PHF14: variants seen among roughly 807,000 people sequenced by gnomAD.
The protein encoded by PHF14 is PHD finger protein 14.
A neutral mutation model predicts 117.9 loss-of-function variants in PHF14; 55 were observed. The observed-to-expected ratio is 0.47, with a 90% CI of 0.38 to 0.58. The LOEUF is 0.58. Ranked by LOEUF, PHF14 falls within the 20% of genes least tolerant of loss-of-function variation. The pLI is 0.00. For synonymous variants in PHF14, 409 were observed against 368.6 expected (o/e 1.11, Z -1.26); for missense variants, 978 against 1,122.2 (o/e 0.87, Z 1.84).
chr7:11,137,592 T>A (rs1003183408), intron 17 of PHF14, among the ~76,000 whole-genome samples: 4 of 39,732 alleles, frequency 1.0e-4, no homozygotes, highest in African/African-American at 3.5e-4. Flanking sequence ...TAAAAATTCT[T>A]TTTTTTTTTT....
chr7:11,158,788 G>C (rs955061490), intron 17 of PHF14, among the ~76,000 whole-genome samples: 4 of 152,054 alleles, frequency 2.6e-5, no homozygotes, highest in African/African-American at 9.7e-5. Flanking sequence ...TGTCATAGTT[G>C]CTTACAGATT....
chr7:11,122,686 T>C (rs1001542430), intron 17 of PHF14, among the ~76,000 whole-genome samples: 2 of 152,094 alleles, frequency 1.3e-5, no homozygotes, highest in Non-Finnish European at 2.9e-5. Context: ...AGATATGCTG[T>C]TGTTAACACG....
intron 16 of PHF14, among the ~76,000 whole-genome samples, chr7:11,083,391 C>T (rs1786230255): frequency 6.6e-6 from 1 of 151,930 alleles, no homozygotes; most frequent in South Asian, 2.1e-4. Flanking sequence ...TCTTTCTCCC[C>T]GCACTCCCAC....
chr7:10,988,467 A>G (rs1044243750), intron 3 of PHF14, among the ~76,000 whole-genome samples: 3 of 151,492 alleles, frequency 2.0e-5, no homozygotes, highest in Non-Finnish European at 4.4e-5. Context: ...ATTACCACAC[A>G]GTCCATAAAG....
intron 6 of PHF14, among the ~76,000 whole-genome samples, chr7:11,025,151 A>C (rs982686572): frequency 5.9e-5 from 9 of 152,292 alleles, no homozygotes; most frequent in African/African-American, 2.2e-4. Context: ...AAATAACAAG[A>C]TAACTAGAAT....
At chr7:11,036,860 T>C in intron 9 of PHF14, 125 bp from the exon 10 acceptor site, 2 of 935,542 alleles carry the variant, frequency 2.1e-6, no homozygotes, top group Non-Finnish European at 3.2e-6. Context: ...GTTCATTTAT[T>C]TGTAAATATA....
chr7:11,022,736 T>G (rs1783778600), intron 5 of PHF14, 132 bp from the exon 6 acceptor site: 1 of 483,998 alleles, frequency 2.1e-6, no homozygotes, highest in African/African-American at 2.0e-5. Context: ...TGCCTGAGAT[T>G]GCGAGATTTT....
chr7:11,047,945 G>A (rs1420302190), intron 13 of PHF14, among the ~76,000 whole-genome samples: 10 of 126,582 alleles, frequency 7.9e-5, no homozygotes, highest in Middle Eastern at 4.0e-3. Context: ...GGGAGGGAGA[G>A]GGAGGGAGGG....
intron 17 of PHF14, among the ~76,000 whole-genome samples, chr7:11,137,905 T>A (rs1052099572): frequency 3.3e-5 from 5 of 151,508 alleles, no homozygotes; most frequent in Admixed American, 2.6e-4. Context: ...TCATTCTTAA[T>A]CTTGTATTAA....
At position 11,022,973 on chromosome 7, in the gene PHF14, T is replaced by C. The variant is rs565815312; in HGVS notation, c.1311T>C (p.Gly437=). The change falls in exon 6 of 18, where the codon GGT becomes GGC. Residue 437 remains glycine (G), a synonymous_variant. Coordinates refer to ENST00000634607, the MANE Select transcript of PHF14 (RefSeq NM_001007157.2). ...TLTEMNYSKY[G]AKECSFCEDP... ...CGGAAATGAACTATTCCAAATATGG[T>C]GCCAAGGTGAGACACAAAGCATTTT... The C allele has an allele frequency of 4.4e-5, 70 of 1,575,628 alleles. No homozygotes were observed. The South Asian group carries it at 7.4e-4, about 17-fold the overall frequency.
intron 16 of PHF14, among the ~76,000 whole-genome samples, chr7:11,086,638 A>G (rs550823821): frequency 3.3e-5 from 5 of 152,314 alleles, no homozygotes; most frequent in Non-Finnish European, 5.9e-5. Flanking sequence ...TGAAAAAACA[A>G]TCTGTGGATT....
intron 2 of PHF14, among the ~76,000 whole-genome samples, chr7:10,976,894 G>C (rs1781887041): frequency 6.7e-6 from 1 of 149,820 alleles, no homozygotes; most frequent in Non-Finnish European, 1.5e-5. Flanking sequence ...TTAAATTTGT[G>C]ATCTGTGGTC....
At chr7:11,148,831 T>C (rs201577689) in intron 17 of PHF14, among the ~76,000 whole-genome samples, 1 of 152,240 alleles carries the variant, frequency 6.6e-6, no homozygotes, top group East Asian at 1.9e-4. Context: ...TCACCAACTG[T>C]GCATCTGAGC....
intron 16 of PHF14, among the ~76,000 whole-genome samples, chr7:11,079,658 A>C (rs1785999793): frequency 6.6e-6 from 1 of 150,634 alleles, no homozygotes; most frequent in South Asian, 2.1e-4. Flanking sequence ...CCAAGCACTA[A>C]ATTCTATAAT....
chr7:11,042,249 A>G (rs1390633692), intron 12 of PHF14, among the ~76,000 whole-genome samples: 1 of 151,972 alleles, frequency 6.6e-6, no homozygotes, highest in Non-Finnish European at 1.5e-5. Flanking sequence ...AATGGTAGGA[A>G]ATAAACTACC....
chr7:11,164,671 A>T (rs1789148271), intron 17 of PHF14, among the ~76,000 whole-genome samples: 3 of 152,152 alleles, frequency 2.0e-5, no homozygotes, highest in Non-Finnish European at 4.4e-5. Flanking sequence ...TTGCAAAAAT[A>T]GTGTAGAAAT....
intron 16 of PHF14, chr7:11,105,464 C>T (rs1290980176): frequency 1.0e-6 from 1 of 974,734 alleles, no homozygotes; most frequent in East Asian, 1.1e-4. Context: ...GACTATTTCA[C>T]CAAAATTTAT....
chr7:11,080,036 A>G (rs1222725272), intron 16 of PHF14, among the ~76,000 whole-genome samples: 2 of 152,176 alleles, frequency 1.3e-5, no homozygotes, highest in Non-Finnish European at 2.9e-5. Flanking sequence ...GATTCTTGTC[A>G]ACTTTAAGAG....
chr7:10,974,988 G>C, intron 2 of PHF14, 43 bp downstream of exon 2: 1 of 991,092 alleles, frequency 1.0e-6, no homozygotes, highest in Non-Finnish European at 1.5e-6. Context: ...GCTTTCTGGA[G>C]TTAGGCTTAT....
Sources: gnomAD v4.1 joint callset for allele counts (sites outside exome capture counted in the v4.1 genomes callset) on GRCh38, gnomAD v4.1.1 for gene constraint, MANE v1.5 for transcripts, NCBI Gene and HGNC (gene_info 2026-07-23, HGNC 2026-07-21) for gene names.